The following FILIP1L variants were observed in gnomAD, a reference collection of about 807,000 sequenced individuals.
FILIP1L encodes the protein filamin A-interacting protein 1-like.
A neutral mutation model predicts 96.6 loss-of-function variants in FILIP1L; 55 were observed. The ratio of observed to expected loss-of-function variants is 0.57; its 90% CI spans 0.46 to 0.71. The LOEUF (loss-of-function observed/expected upper bound fraction) is 0.71. FILIP1L is among the 30% of genes least tolerant of loss of function. The pLI, the probability that FILIP1L is intolerant of heterozygous loss-of-function variation, is 0.00. For synonymous variants in FILIP1L, 467 were observed against 473.9 expected (o/e 0.99, Z 0.19); for missense variants, 1,304 against 1,321.2 (o/e 0.99, Z 0.20).
At chr3:99,856,269 T>C (rs1000639817) in intron 4 of FILIP1L, among the ~76,000 whole-genome samples, 4 of 152,232 alleles carry the variant, frequency 2.6e-5, no homozygotes, top group Non-Finnish European at 5.9e-5. Flanking sequence ...GAAAGTGTTG[T>C]TGGAAAAGGA....
intron 1 of FILIP1L, among the ~76,000 whole-genome samples, chr3:100,049,062 C>T (rs924496636): frequency 3.9e-5 from 6 of 152,104 alleles, no homozygotes; most frequent in Non-Finnish European, 7.4e-5. Context: ...GAAACAAAGT[C>T]GATGTCTGAA....
At chr3:100,079,280 G>A (rs1300250343) in intron 1 of FILIP1L, among the ~76,000 whole-genome samples, 1 of 152,184 alleles carries the variant, frequency 6.6e-6, no homozygotes, top group Admixed American at 6.5e-5. Flanking sequence ...GTTGGTCGAA[G>A]TATTCAAAAA....
chr3:99,930,176 A>G, intron 2 of FILIP1L, 147 bp from the exon 3 acceptor site: 1 of 672,924 alleles, frequency 1.5e-6, no homozygotes, highest in Non-Finnish European at 2.5e-6. Flanking sequence ...AAAAGGTAAC[A>G]AAACTATATC....
chr3:99,893,390 C>T (rs990653212), intron 4 of FILIP1L, among the ~76,000 whole-genome samples: 2 of 152,138 alleles, frequency 1.3e-5, no homozygotes, highest in Non-Finnish European at 2.9e-5. Context: ...TGGTCTCGAT[C>T]TCCTGACCTC....
chr3:100,025,794 C>G (rs1040068642), intron 1 of FILIP1L, among the ~76,000 whole-genome samples: 3 of 152,126 alleles, frequency 2.0e-5, no homozygotes, highest in Admixed American at 1.3e-4. Context: ...GTTTGAGAAG[C>G]TCTGCTGTAG....
intron 1 of FILIP1L, among the ~76,000 whole-genome samples, chr3:100,111,937 T>TA (rs1414803820): frequency 6.6e-6 from 1 of 152,200 alleles, no homozygotes; most frequent in Non-Finnish European, 1.5e-5. Flanking sequence ...AAATCACTAG[T>TA]AATCAGACTC....
chr3:100,099,840 A>G (rs2107454625), intron 1 of FILIP1L, among the ~76,000 whole-genome samples: 1 of 152,318 alleles, frequency 6.6e-6, no homozygotes, highest in Non-Finnish European at 1.5e-5. Flanking sequence ...TATCATAAGT[A>G]TGCAGCGGTA....
In FILIP1L at chr3:99,850,312, G is replaced by C; in HGVS notation, c.1364C>G (p.Thr455Arg). ...CTCCAGTTCTTGAGACAACTGCTTT[G>C]TGGTCATCCTTTCTTTTTCTAAATT... ...KCNLEKERMT[T>R]KQLSQELESL... Residue 455 changes from threonine to arginine, a missense_variant, in exon 5 of 6, where the codon ACA (threonine) becomes AGA (arginine). By Grantham distance (71) the Thr-to-Arg change is moderately conservative. Transcript: ENST00000477258. 6.2e-7 allele frequency: 1 copy of C among 1,613,430 alleles called. No individual in the cohort carries two copies. Among genetic ancestry groups the C allele is most frequent in the South Asian group, 1.1e-5 (1 of 90,912 alleles).
chr3:99,923,800 C>G (rs1271285068), intron 4 of FILIP1L, among the ~76,000 whole-genome samples: 1 of 152,252 alleles, frequency 6.6e-6, no homozygotes, highest in East Asian at 1.9e-4. Context: ...TCAAGGCAAG[C>G]CTTTCCTTTT....
At chr3:99,858,549 A>G (rs574806765) in intron 4 of FILIP1L, among the ~76,000 whole-genome samples, 30 of 152,352 alleles carry the variant, frequency 2.0e-4, no homozygotes, top group African/African-American at 7.0e-4. Flanking sequence ...ATTTTTATGA[A>G]AAAATACTTT....
At chr3:100,090,943 A>G (rs1172914762) in intron 1 of FILIP1L, among the ~76,000 whole-genome samples, 1 of 152,192 alleles carries the variant, frequency 6.6e-6, no homozygotes, top group Non-Finnish European at 1.5e-5. Context: ...GTAGCTTGGG[A>G]TTACAAGTAA....
chr3:99,919,970 A>G (rs1707073229), intron 4 of FILIP1L, among the ~76,000 whole-genome samples: 1 of 152,226 alleles, frequency 6.6e-6, no homozygotes, highest in Non-Finnish European at 1.5e-5. Flanking sequence ...GATTAATTCT[A>G]CCTTGACTCC....
chr3:100,009,665 G>C (rs1710087775), intron 1 of FILIP1L, among the ~76,000 whole-genome samples: 1 of 152,210 alleles, frequency 6.6e-6, no homozygotes, highest in African/African-American at 2.4e-5. Flanking sequence ...TAAGGGGAAA[G>C]AAAGTCAACA....
chr3:100,014,743 T>C lies in FILIP1L; in HGVS notation c.-10-83713A>G, dbSNP rs114596346. 4.5e-3 allele frequency among the ~76,000 whole-genome samples: 686 copies of C among 151,964 alleles called. 6 individuals are homozygous for C. Among genetic ancestry groups the C allele is most frequent in the African/African-American group, 0.016 (669 of 41,522 alleles). On this transcript the variant is annotated intron_variant, in intron 1 of 5. Coordinates refer to ENST00000477258, the MANE Select transcript of FILIP1L (RefSeq NM_001387850.1). ...TGTTTTGGATATTGGATATTAACCCTTTATCAGATGATTGGTTCACAAATG... is the reference window on the plus strand; with the variant it reads ...TGTTTTGGATATTGGATATTAACCCCTTATCAGATGATTGGTTCACAAATG...
intron 1 of FILIP1L, among the ~76,000 whole-genome samples, chr3:100,021,727 G>A (rs957813134): frequency 5.9e-5 from 9 of 152,122 alleles, no homozygotes; most frequent in Admixed American, 1.3e-4. Flanking sequence ...TGAAAGCTTT[G>A]TAAAGGGAAC....
intron 1 of FILIP1L, among the ~76,000 whole-genome samples, chr3:100,056,568 T>G (rs1206930793): frequency 6.6e-6 from 1 of 152,182 alleles, no homozygotes; most frequent in African/African-American, 2.4e-5. Flanking sequence ...CCTTACTGGC[T>G]TTATCTGCTT....
chr3:99,951,500 C>T (rs140201204), intron 1 of FILIP1L, among the ~76,000 whole-genome samples: 2 of 152,244 alleles, frequency 1.3e-5, no homozygotes, highest in African/African-American at 2.4e-5. Flanking sequence ...GTCCAGTCTC[C>T]CTGGTAAAAA....
chr3:99,942,812 G>A (rs1707890081), intron 1 of FILIP1L, among the ~76,000 whole-genome samples: 1 of 151,836 alleles, frequency 6.6e-6, no homozygotes, highest in Admixed American at 6.6e-5. Context: ...CTCGGCGACA[G>A]AGTGTGACTC....
Position 99,929,961 on chromosome 3 carries a change from A to G in FILIP1L, c.321T>C (p.Tyr107=). The G allele has an allele frequency of 6.2e-7, 1 of 1,614,152 alleles. No individual in the cohort carries two copies. The highest frequency in any genetic ancestry group is 1.1e-5 in the South Asian group (1 of 91,082). ...KMDLALLEAQ[Y]GFVTPKKVLE... is the part of the protein sequence containing the mutation. ...ACACCTTTTTTGGAGTGACAAACCC[A>G]TACTGAGCTTCCAGCAAAGCCAGGT... Residue 107 remains tyrosine (Y), a synonymous_variant, in exon 3 of 6, where the codon TAT becomes TAC. Coordinates refer to ENST00000477258, the MANE Select transcript of FILIP1L (RefSeq NM_001387850.1).
Sources: allele counts gnomAD v4.1 joint callset (sites outside exome capture counted in the v4.1 genomes callset), GRCh38; gene constraint gnomAD v4.1.1; transcripts MANE v1.5; gene names NCBI Gene and HGNC (gene_info 2026-07-23, HGNC 2026-07-21).